Variants in STK3 observed in about 807,000 individuals in gnomAD.
The protein encoded by STK3 is serine/threonine-protein kinase 3.
A neutral mutation model predicts 58.0 loss-of-function variants in STK3; 41 were observed. The ratio of observed to expected loss-of-function variants is 0.71; its 90% CI spans 0.55 to 0.92. The LOEUF (loss-of-function observed/expected upper bound fraction) is 0.92, where lower values mean the gene tolerates loss of function less well. Ranked by LOEUF, STK3 falls within the 40% of genes least tolerant of loss-of-function variation. STK3 has a pLI of 0.00. For missense variants in STK3, 479 were observed against 602.7 expected (o/e 0.79, Z 2.15); for synonymous variants, 170 against 191.0 (o/e 0.89, Z 0.91).
At chr8:98,389,881 C>T (rs1293153814), upstream of STK3, among the ~76,000 whole-genome samples, 3 of 151,744 alleles carry the variant, frequency 2.0e-5, no homozygotes, top group South Asian at 2.1e-4. Flanking sequence ...GGAGAAGAAC[C>T]GGACAGCTAA....
At chr8:98,610,205 AC>A (rs1817083323) in intron 6 of STK3, among the ~76,000 whole-genome samples, 1 of 146,852 alleles carries the variant, frequency 6.8e-6, no homozygotes, top group African/African-American at 2.5e-5. Flanking sequence ...AAAAAAAAAA[AC>A]CATATGATTA....
chr8:98,378,469 T>G (rs1817697903), intron 2 of STK3, among the ~76,000 whole-genome samples: 1 of 152,256 alleles, frequency 6.6e-6, no homozygotes, highest in South Asian at 2.1e-4. Flanking sequence ...TGCTGCTTAC[T>G]GTCTGTGTGA....
At position 98,596,181 on chromosome 8, in the gene STK3, G is replaced by A; in HGVS notation, c.685-12C>T. The A allele has an allele frequency of 1.2e-6, 2 of 1,608,042 alleles. No individual in the cohort carries two copies. Among genetic ancestry groups the A allele is most frequent in the Non-Finnish European group, 8.5e-7 (1 of 1,176,770 alleles). ...ATCATAAAAATAGCCTAGTACAAAT[G>A]AAATATCCAAAAGACAGTAAGAATC... On this transcript the variant is annotated splice_polypyrimidine_tract_variant and intron_variant, in intron 6 of 10. Transcript: ENST00000419617.
At chr8:98,645,470 G>A (rs1820330230) in intron 6 of STK3, among the ~76,000 whole-genome samples, 1 of 152,136 alleles carries the variant, frequency 6.6e-6, no homozygotes, top group South Asian at 2.1e-4. Flanking sequence ...GTTGCTATAG[G>A]CTAAACGGCA....
the STK3 span, among the ~76,000 whole-genome samples, chr8:98,366,075 C>T: frequency 3.9e-5 from 6 of 152,200 alleles, no homozygotes; most frequent in East Asian, 1.2e-3. Flanking sequence ...TTAGATGTTA[C>T]CAAAATTGTT....
intron 10 of STK3, among the ~76,000 whole-genome samples, chr8:98,461,116 C>T (rs1054024699): frequency 6.6e-6 from 1 of 152,112 alleles, no homozygotes; most frequent in Non-Finnish European, 1.5e-5. Context: ...CTGGGTTGCA[C>T]CTATCTCTTT....
intron 1 of STK3, among the ~76,000 whole-genome samples, chr8:98,887,857 A>T (rs554325739): frequency 2.0e-5 from 3 of 152,232 alleles, no homozygotes; most frequent in Admixed American, 6.5e-5. Flanking sequence ...AAAGCCAAGC[A>T]GCTATGGAGA....
chr8:98,712,080 G>T (rs200085183), intron 4 of STK3, among the ~76,000 whole-genome samples: 3 of 152,064 alleles, frequency 2.0e-5, no homozygotes, highest in Non-Finnish European at 2.9e-5. Flanking sequence ...GACAAGCAAA[G>T]GCTGAGAGAT....
intron 4 of STK3, among the ~76,000 whole-genome samples, chr8:98,723,723 C>T (rs1827606073): frequency 6.6e-6 from 1 of 151,466 alleles, no homozygotes. Context: ...TAGACATACG[C>T]CCCCCTTTTC....
At chr8:98,735,578 A>G (rs1828515573) in intron 4 of STK3, among the ~76,000 whole-genome samples, 1 of 152,178 alleles carries the variant, frequency 6.6e-6, no homozygotes, top group African/African-American at 2.4e-5. Flanking sequence ...CTAATCTTAC[A>G]GTGATTTTTA....
In STK3 at chr8:98,893,528, G is replaced by A. The variant is rs540535042; in HGVS notation, c.-78-9694C>T. Among the ~76,000 whole-genome samples, 7 of 132,812 alleles carry A rather than the reference G, an allele frequency of 5.3e-5. No homozygotes were observed. In the South Asian group the frequency reaches 1.7e-3, roughly 33 times the overall value. The allele number at this position is 132,812 out of a possible 152,430, so 87.1% of individuals were successfully genotyped here. ...AGAAAGAAAGAAAGAAAGAAAGAAA[G>A]AAAGAAAGAAAAAGAAAGAGAAAGA... On this transcript the variant is annotated intron_variant, in intron 1 of 1. Coordinates refer to the STK3 transcript ENST00000519420.
intron 4 of STK3, among the ~76,000 whole-genome samples, chr8:98,710,753 G>C (rs1486872548): frequency 1.3e-5 from 2 of 152,244 alleles, no homozygotes; most frequent in African/African-American, 2.4e-5. Flanking sequence ...AACGTCTGCA[G>C]ACTTAAATGT....
chr8:98,463,893 A>G (rs1263167673), intron 10 of STK3, among the ~76,000 whole-genome samples: 3 of 152,184 alleles, frequency 2.0e-5, no homozygotes, highest in Admixed American at 2.0e-4. Context: ...TGCTGGAACA[A>G]TCAGTCTGTC....
rs775878140 is a variant in STK3, at chr8:98,547,996, C to T, written c.1114G>A (p.Glu372Lys). 3.8e-6 allele frequency: 6 copies of T among 1,599,422 alleles called. No homozygotes were observed. In the East Asian group the frequency reaches 1.1e-4, roughly 30 times the overall value. ...LGTMVINSED[E>K]EEEDGTMKRN... ...TTCATAGTTCCATCTTCTTCTTCCT[C>T]ATCCTCACTGTTTATCACCATGGTC... The change falls in exon 9 of 11, where the codon GAG becomes AAG. Residue 372 changes from glutamate to lysine, a missense_variant. Glu to Lys is a moderately conservative substitution (Grantham distance 56). This residue lies in a region of STK3 where 309 missense variants were observed against 355.7 expected (regional missense o/e 0.87). Transcript: ENST00000419617.
At chr8:98,593,118 A>C (rs558170851) in intron 7 of STK3, among the ~76,000 whole-genome samples, 1 of 152,316 alleles carries the variant, frequency 6.6e-6, no homozygotes, top group Non-Finnish European at 1.5e-5. Flanking sequence ...GATCATCTTC[A>C]GATCAGGAAC....
At chr8:98,654,542 T>C (rs1476013515) in intron 6 of STK3, among the ~76,000 whole-genome samples, 1 of 152,180 alleles carries the variant, frequency 6.6e-6, no homozygotes, top group African/African-American at 2.4e-5. Context: ...GGAAGGCAAA[T>C]TGTCCCTGTT....
intron 1 of STK3, among the ~76,000 whole-genome samples, chr8:98,925,287 C>T (rs965087225): frequency 6.6e-6 from 1 of 152,210 alleles, no homozygotes; most frequent in African/African-American, 2.4e-5. Flanking sequence ...ATAGTGATTG[C>T]TCACATTTCA....
At chr8:98,894,097 T>C (rs374356138) in intron 1 of STK3, among the ~76,000 whole-genome samples, 20 of 152,304 alleles carry the variant, frequency 1.3e-4, no homozygotes, top group African/African-American at 4.8e-4. Flanking sequence ...AAATATCTTC[T>C]TCCTTCTATC....
intron 8 of STK3, among the ~76,000 whole-genome samples, chr8:98,572,654 G>T (rs914331725): frequency 6.6e-6 from 1 of 152,146 alleles, no homozygotes; most frequent in Non-Finnish European, 1.5e-5. Flanking sequence ...ACTGTAGAAA[G>T]ACTTCAGATT....
Sources: gnomAD v4.1 joint callset for allele counts (sites outside exome capture counted in the v4.1 genomes callset) on GRCh38, gnomAD v4.1.1 for gene constraint, gnomAD v4.1.1 regional missense constraint, MANE v1.5 for transcripts, NCBI Gene and HGNC (gene_info 2026-07-23, HGNC 2026-07-21) for gene names.